The following CARMIL2 variants were observed in gnomAD, a reference collection of about 807,000 sequenced individuals.
CARMIL2 encodes the protein capping protein regulator and myosin 1 linker 2.
CARMIL2 carries 96 observed loss-of-function variants against 173.3 expected under a neutral mutation model. That is an observed-to-expected ratio of 0.55 (90% confidence interval 0.47 to 0.66). CARMIL2 has a LOEUF of 0.66. CARMIL2 is among the 30% of genes least tolerant of loss of function. The probability of loss-of-function intolerance (pLI) is 0.00; values close to 1 mark genes in which losing one functional copy is unlikely to be tolerated. For synonymous variants in CARMIL2, 830 were observed against 817.1 expected, an observed-to-expected ratio of 1.02 and a Z score of -0.27; for missense variants, 1,771 against 1,906.7, an observed-to-expected ratio of 0.93 and a Z score of 1.33.
In CARMIL2 at chr16:67,648,193, G is replaced by C; in HGVS notation, c.1213G>C (p.Gly405Arg). 6.2e-7 allele frequency: 1 copy of C among 1,607,536 alleles called. No homozygotes were observed. The highest frequency in any genetic ancestry group is 8.5e-7 in the Non-Finnish European group (1 of 1,177,578). ...GGCGGACTGGAGGGCGGGACGGGGAGGGCTCGGTCCCCCCGCGGGTGTAGC... is the reference window on the plus strand; with the variant it reads ...GGCGGACTGGAGGGCGGGACGGGGACGGCTCGGTCCCCCCGCGGGTGTAGC... ...GRADWRAGRG[G>R]LGPPAGVANS... Residue 405 changes from glycine (G) to arginine (R), a missense_variant, in exon 14 of 38, where the codon GGG becomes CGG. By Grantham distance (125) the Gly-to-Arg change is moderately radical. This residue lies in a region of CARMIL2 where 944 missense variants were observed against 975.6 expected (regional missense o/e 0.97). Coordinates refer to ENST00000334583, the MANE Select transcript of CARMIL2 (RefSeq NM_001013838.3). The surrounding 1 kb of genome is among the most constrained non-coding windows in gnomAD (Gnocchi z 6.1).
At position 67,656,239 on chromosome 16, in the gene CARMIL2, G is replaced by A; in HGVS notation, c.3754G>A (p.Asp1252Asn). 6.2e-7 allele frequency: 1 copy of A among 1,613,980 alleles called. No individual in the cohort carries two copies. The highest frequency in any genetic ancestry group is 8.5e-7 in the Non-Finnish European group (1 of 1,179,894). ...GCTCCGCCTTGCAGGTGACATTATG[G>A]ACAGTTCCACGGAGGCCCCTCCCAT... Reference protein sequence around the residue: ...KKAGSDGDIMDSSTEAPPISI... With the variant: ...KKAGSDGDIMNSSTEAPPISI... Residue 1252 changes from aspartate (D) to asparagine (N), a missense_variant, in exon 34 of 38, where the codon GAC becomes AAC. Asp to Asn is a conservative substitution (Grantham distance 23). Transcript: ENST00000334583.
chr16:67,646,279 A>T lies in CARMIL2; in HGVS notation c.343A>T (p.Ile115Phe), dbSNP rs2052591714. The T allele has an allele frequency of 6.2e-7, 1 of 1,613,660 alleles. No individual in the cohort carries two copies. The highest frequency in any genetic ancestry group is 1.7e-5 in the Admixed American group (1 of 60,008). Residue 115 changes from isoleucine (I) to phenylalanine (F), a missense_variant, in exon 5 of 38, where the codon ATC becomes TTC. Physicochemically the swap from Ile to Phe is conservative, Grantham distance 21. Coordinates refer to ENST00000334583, the MANE Select transcript of CARMIL2 (RefSeq NM_001013838.3). This position sits in a 1 kb window ranked among gnomAD's most constrained non-coding sequence, Gnocchi z 4.6. The part of the protein sequence containing the change: ...EQLAQHVAAA[I>F]KKVFPRSTLG... ...GCTGGCCCAGCACGTGGCTGCAGCC[A>T]TCAAGAAGGTCTTCCCTCGCTCGAC... is the stretch of plus-strand genomic sequence containing the variant.
Position 67,652,328 on chromosome 16 carries a change from GAGA to G in CARMIL2, c.2809_2811del (p.Lys937del), listed in dbSNP as rs144268948. 0.01 allele frequency: 16,206 copies of G among 1,613,268 alleles called. 220 individuals carry two copies. The highest frequency in any genetic ancestry group is 0.042 in the South Asian group (3,820 of 91,082). On this transcript the variant is annotated inframe_deletion, in exon 27 of 38. Transcript: ENST00000334583. This position sits in a 1 kb window ranked among gnomAD's most constrained non-coding sequence, Gnocchi z 4.7. Reference sequence around the variant, plus strand: ...TTTCTTCCCCGAGGAGAAGGAAGAGGAGAAGGAGAAGGTAAGTGGTTTTAGAAC... The same window carrying G: ...TTTCTTCCCCGAGGAGAAGGAAGAGGAGGAGAAGGTAAGTGGTTTTAGAAC...
At position 67,651,445 on chromosome 16, in the gene CARMIL2, C is replaced by G. The variant is rs955939112; in HGVS notation, c.2358C>G (p.His786Gln). The G allele has an allele frequency of 6.3e-7, 1 of 1,597,504 alleles. No homozygotes were observed. The highest frequency in any genetic ancestry group is 8.5e-7 in the Non-Finnish European group (1 of 1,170,668). The change falls in exon 24 of 38, where the codon CAC (histidine) becomes CAG (glutamine). Residue 786 changes from histidine (H) to glutamine (Q), a missense_variant. Physicochemically the swap from His to Gln is conservative, Grantham distance 24. Coordinates refer to ENST00000334583, the MANE Select transcript of CARMIL2 (RefSeq NM_001013838.3). The surrounding 1 kb of genome is among the most constrained non-coding windows in gnomAD (Gnocchi z 4.2). Reference protein sequence around the residue: ...LYEAGSSPSHHWQLGQKLEGL... With the variant: ...LYEAGSSPSHQWQLGQKLEGL... Reference sequence around the variant, plus strand: ...AAGCTGGAAGCTCCCCAAGCCATCACTGGCAGCTTGGGCAGAAGCTGGAGG... The same window carrying G: ...AAGCTGGAAGCTCCCCAAGCCATCAGTGGCAGCTTGGGCAGAAGCTGGAGG...
Position 67,652,492 on chromosome 16 carries a change from A to G in CARMIL2, c.2838A>G (p.Lys946=), listed in dbSNP as rs1567633533. 1.9e-6 allele frequency: 3 copies of G among 1,613,608 alleles called. No individual in the cohort carries two copies. The highest frequency in any genetic ancestry group is 1.7e-4 in the Middle Eastern group (1 of 6,060). Residue 946 remains lysine, a synonymous_variant, in exon 28 of 38, where the codon AAA becomes AAG. Coordinates refer to ENST00000334583, the MANE Select transcript of CARMIL2 (RefSeq NM_001013838.3). The surrounding 1 kb of genome is among the most constrained non-coding windows in gnomAD (Gnocchi z 4.7). ...ACCAGGATGACAGTCCTCCACAGAA[A>G]TGGCCTGAGCTCAGCCACGGTCTTC... ...EKEKDDSPPQ[K]WPELSHGLHL...
Position 67,647,763 on chromosome 16 carries a change from CG to C in CARMIL2, c.956del (p.Arg319GlnfsTer3). 1 of 1,488,756 alleles carries C rather than the reference CG, an allele frequency of 6.7e-7. No individual in the cohort carries two copies. The highest frequency in any genetic ancestry group is 8.9e-7 in the Non-Finnish European group (1 of 1,118,794). The allele number at this position is 1,488,756 out of a possible 1,614,324, so 92.2% of individuals were successfully genotyped here. On this transcript the variant is annotated frameshift_variant and splice_region_variant, in exon 12 of 38. Coordinates refer to ENST00000334583, the MANE Select transcript of CARMIL2 (RefSeq NM_001013838.3). LOFTEE classifies it high-confidence loss of function. ...LSLAQTGLTPRGMRALGRALA... is the reference protein window; with the variant it reads ...LSLAQTGLTPXGMRALGRALA... The stretch of plus-strand genomic sequence containing the variant: ...CCTGGCCCAGACAGGGTTGACACCG[CG>C]AGGTAGGCTGGATGAGGGAGGGGGT...
rs534838527 is a variant in CARMIL2, at chr16:67,657,408, T to A, written c.4198T>A (p.Ser1400Thr). The A allele has an allele frequency of 1.4e-5, 22 of 1,606,156 alleles. No homozygotes were observed. Among genetic ancestry groups the A allele is most frequent in the Non-Finnish European group, 1.8e-5 (21 of 1,176,772 alleles). Residue 1400 changes from serine to threonine, a missense_variant and splice_region_variant, in exon 38 of 38, where the codon TCT becomes ACT. Coordinates refer to ENST00000334583, the MANE Select transcript of CARMIL2 (RefSeq NM_001013838.3). This position sits in a 1 kb window ranked among gnomAD's most constrained non-coding sequence, Gnocchi z 4.5. ...LEAPPSPSLG[S>T]GLGTEPLPPQ... is the part of the protein sequence containing the mutation. The stretch of plus-strand genomic sequence containing the variant: ...TCTCTCCCTCCCTCCCCTCACAGGA[T>A]CTGGCCTTGGAACCGAGCCTCTGCC...
intron 32 of CARMIL2, 144 bp from the exon 33 acceptor site, chr16:67,655,887 C>A: frequency 1.2e-6 from 1 of 830,920 alleles, no homozygotes; most frequent in Non-Finnish European, 1.9e-6. Flanking sequence ...GCAAAGAGTT[C>A]TAAGAGGGCT....
intron 3 of CARMIL2, 109 bp downstream of exon 3, chr16:67,645,886 G>A: frequency 6.4e-7 from 1 of 1,553,080 alleles, no homozygotes; most frequent in Non-Finnish European, 8.8e-7. Flanking sequence ...CTTTGCACCA[G>A]CACTGGGCTC....
In CARMIL2 at chr16:67,657,255, G is replaced by A. The variant is rs1392893801; in HGVS notation, c.4134G>A (p.Leu1378=). Residue 1378 remains leucine (L), a synonymous_variant, in exon 37 of 38, where the codon CTG becomes CTA. Transcript: ENST00000334583. This position sits in a 1 kb window ranked among gnomAD's most constrained non-coding sequence, Gnocchi z 4.5. ...LQAPAERPLR[L]QRSPVLKRRP... ...GTCCCTTAGAACGGCCCCTGAGGCT[G>A]CAGCGCTCCCCCGTCCTCAAACGCA... 1 of 1,613,774 alleles carries A rather than the reference G, an allele frequency of 6.2e-7. No individual in the cohort carries two copies. The highest frequency in any genetic ancestry group is 1.7e-5 in the Admixed American group (1 of 59,986).
Position 67,646,344 on chromosome 16 carries a change from G to A in CARMIL2, c.374+34G>A, listed in dbSNP as rs746297646. On this transcript the variant is annotated intron_variant, in intron 5 of 37. Transcript: ENST00000334583. This position sits in a 1 kb window ranked among gnomAD's most constrained non-coding sequence, Gnocchi z 4.6. ...TGGCAAATTCGAGGGGCTGGCAGGGGAGGAGGGAGTGCATGAGAAGGGCTG... is the reference window on the plus strand; with the variant it reads ...TGGCAAATTCGAGGGGCTGGCAGGGAAGGAGGGAGTGCATGAGAAGGGCTG... The A allele has an allele frequency of 1.7e-5, 27 of 1,609,900 alleles. No individual in the cohort carries two copies. The highest frequency in any genetic ancestry group is 2.3e-5 in the Non-Finnish European group (27 of 1,177,294).
rs1294017943 is a variant in CARMIL2, at chr16:67,653,550, T to TC, written c.3120+301dup. ...AGAGAGGGTGTCCGTCCTCCCTCCCTCCCCCGGGGCTGCTGAGAGATGCCG... is the reference window on the plus strand; with the variant it reads ...AGAGAGGGTGTCCGTCCTCCCTCCCTCCCCCCGGGGCTGCTGAGAGATGCCG... On this transcript the variant is annotated intron_variant, in intron 29 of 37. Coordinates refer to ENST00000334583, the MANE Select transcript of CARMIL2 (RefSeq NM_001013838.3). The surrounding 1 kb of genome is among the most constrained non-coding windows in gnomAD (Gnocchi z 7.4). Among the ~76,000 whole-genome samples, 1 of 151,816 alleles carries TC rather than the reference T, an allele frequency of 6.6e-6. No homozygotes were observed. Among genetic ancestry groups the TC allele is most frequent in the African/African-American group, 2.4e-5 (1 of 41,304 alleles).
Position 67,652,417 on chromosome 16 carries a change from C to T in CARMIL2, c.2818-55C>T, listed in dbSNP as rs187227682. 4.8e-5 allele frequency: 78 copies of T among 1,611,368 alleles called. 1 individual carries two copies. The highest frequency in any genetic ancestry group is 4.0e-4 in the Admixed American group (24 of 59,798). On this transcript the variant is annotated intron_variant, in intron 27 of 37. Transcript: ENST00000334583. The surrounding 1 kb of genome is among the most constrained non-coding windows in gnomAD (Gnocchi z 4.7). ...GTGGAGTGTGGAAGGTGAAAGGCAG[C>T]TCTTTTGGGTTGGTGCTCTCCTACC...
Position 67,646,740 on chromosome 16 carries a change from C to G in CARMIL2, c.493C>G (p.Leu165Val), listed in dbSNP as rs561206822. ...TGGCTTCTTGGAGACATACGAGGCT[C>G]TGTGTGACTACAATGGCTTCCCTTT... is the stretch of plus-strand genomic sequence containing the variant. ...CGGFLETYEA[L>V]CDYNGFPFRE... The change falls in exon 7 of 38, where the codon CTG becomes GTG. Residue 165 changes from leucine to valine, a missense_variant. Transcript: ENST00000334583. The surrounding 1 kb of genome is among the most constrained non-coding windows in gnomAD (Gnocchi z 4.6). The G allele has an allele frequency of 2.2e-5, 36 of 1,613,994 alleles. 1 individual carries two copies. In the Middle Eastern group the frequency reaches 4.9e-4, roughly 22 times the overall value.
Position 67,651,497 on chromosome 16 carries a change from T to A in CARMIL2, c.2410T>A (p.Cys804Ser), listed in dbSNP as rs780021876. The A allele has an allele frequency of 6.9e-6, 11 of 1,592,550 alleles. No homozygotes were observed. Among genetic ancestry groups the A allele is most frequent in the African/African-American group, 4.0e-5 (3 of 74,488 alleles). ...EGLLRQVGEV[C>S]RQDIQDFTQA... is the part of the protein sequence containing the mutation. ...CCTTCTGAGACAGGTGGGCGAGGTC[T>A]GCCGCCAGGACATCCAGGTGAGAGG... is the stretch of plus-strand genomic sequence containing the variant. Residue 804 changes from cysteine to serine, a missense_variant, in exon 24 of 38, where the codon TGC (cysteine) becomes AGC (serine). By Grantham distance (112) the Cys-to-Ser change is moderately radical. Coordinates refer to ENST00000334583, the MANE Select transcript of CARMIL2 (RefSeq NM_001013838.3). The surrounding 1 kb of genome is among the most constrained non-coding windows in gnomAD (Gnocchi z 4.2).
intron 35 of CARMIL2, 43 bp from the exon 36 acceptor site, chr16:67,656,758 G>T: frequency 6.4e-7 from 1 of 1,551,234 alleles, no homozygotes. Context: ...GGCTGGAGTG[G>T]GGGCAGCTGT....
At position 67,657,491 on chromosome 16, in the gene CARMIL2, C is replaced by T. The variant is rs1344570331; in HGVS notation, c.4281C>T (p.Asp1427=). 3.7e-6 allele frequency: 6 copies of T among 1,612,814 alleles called. No individual in the cohort carries two copies. The highest frequency in any genetic ancestry group is 5.1e-6 in the Non-Finnish European group (6 of 1,179,438). The change falls in exon 38 of 38, where the codon GAC becomes GAT. Residue 1427 remains aspartate (D), a synonymous_variant. Transcript: ENST00000334583. This position sits in a 1 kb window ranked among gnomAD's most constrained non-coding sequence, Gnocchi z 4.5. ...PERSPPSPAT[D]QRGGGPNP ...GGAGCCCACCCTCCCCAGCCACAGACCAAAGAGGCGGCGGCCCCAATCCCT... is the reference window on the plus strand; with the variant it reads ...GGAGCCCACCCTCCCCAGCCACAGATCAAAGAGGCGGCGGCCCCAATCCCT...
Position 67,656,553 on chromosome 16 carries a change from C to A in CARMIL2, c.3944C>A (p.Ser1315Tyr). 1 of 1,613,374 alleles carries A rather than the reference C, an allele frequency of 6.2e-7. No individual in the cohort carries two copies. The change falls in exon 35 of 38, where the codon TCC becomes TAC. Residue 1315 changes from serine (S) to tyrosine (Y), a missense_variant. By Grantham distance (144) the Ser-to-Tyr change is moderately radical. Transcript: ENST00000334583. ...CAACAGGATGGTCCAGGCCCTCCCT[C>A]CCCTGGTCAAAGCCCAAGTCCCTGC... is the stretch of plus-strand genomic sequence containing the variant. Reference protein sequence around the residue: ...WGQQDGPGPPSPGQSPSPCRT... With the variant: ...WGQQDGPGPPYPGQSPSPCRT...
chr16:67,654,141 C>A lies in CARMIL2; in HGVS notation c.3121-8C>A, dbSNP rs763473398. On this transcript the variant is annotated splice_region_variant and splice_polypyrimidine_tract_variant and intron_variant, in intron 29 of 37. Coordinates refer to ENST00000334583, the MANE Select transcript of CARMIL2 (RefSeq NM_001013838.3). ...AACCCTGACCCCTGACCCCATGATG[C>A]CCCCCAGGTACCCCCAGCCTTGCCG... 3 of 1,533,092 alleles carry A rather than the reference C, an allele frequency of 2.0e-6. No individual in the cohort carries two copies. The Admixed American group carries it at 5.9e-5, about 30-fold the overall frequency. 95.0% of individuals were successfully genotyped at this position (1,533,092 alleles called of 1,614,324 possible).
Sources: allele counts gnomAD v4.1 joint callset (sites outside exome capture counted in the v4.1 genomes callset), GRCh38; gene constraint gnomAD v4.1.1; regional missense constraint gnomAD v4.1.1; non-coding constraint Gnocchi (gnomAD v3.1); transcripts MANE v1.5; gene names NCBI Gene and HGNC (gene_info 2026-07-23, HGNC 2026-07-21).